Variants in GNPTAB observed in about 807,000 individuals in gnomAD.
GNPTAB encodes the protein N-acetylglucosamine-1-phosphate transferase subunits alpha and beta.
In GNPTAB, 92 loss-of-function variants were observed where a neutral mutation model predicts 136.6. The ratio of observed to expected loss-of-function variants is 0.67; its 90% confidence interval spans 0.57 to 0.80. GNPTAB has a LOEUF of 0.80. Among genes scored for constraint, GNPTAB ranks in the 30% least tolerant of loss-of-function variants. GNPTAB has a pLI of 0.00. For synonymous variants in GNPTAB, 512 were observed against 535.1 expected (o/e 0.96, Z 0.60); for missense variants, 1,343 against 1,501.8 (o/e 0.89, Z 1.75).
intron 2 of GNPTAB, among the ~76,000 whole-genome samples, chr12:101,790,354 AAGTAG>A (rs1868916350): frequency 6.6e-6 from 1 of 152,242 alleles, no homozygotes; most frequent in African/African-American, 2.4e-5. Flanking sequence ...TTCGTGGGTG[AAGTAG>A]AGTAGTCTTG....
Position 101,764,300 on chromosome 12 carries a change from T to C in GNPTAB, c.2617A>G (p.Thr873Ala). Residue 873 changes from threonine to alanine, a missense_variant, in exon 13 of 21, where the codon ACT (threonine) becomes GCT (alanine). Transcript: ENST00000299314. Reference sequence around the variant, plus strand: ...AGCTTTCTTCCAAGTAACACTTCAGTAACGCCTATGTGATTTTCAGCATTT... The same window carrying C: ...AGCTTTCTTCCAAGTAACACTTCAGCAACGCCTATGTGATTTTCAGCATTT... ...EENAENHIGV[T>A]EVLLGRKLQH... 1 of 1,614,044 alleles carries C rather than the reference T, an allele frequency of 6.2e-7. No homozygotes were observed. Among genetic ancestry groups the C allele is most frequent in the South Asian group, 1.1e-5 (1 of 91,064 alleles).
chr12:101,788,820 A>C (rs191548320), intron 3 of GNPTAB, among the ~76,000 whole-genome samples: 4 of 152,258 alleles, frequency 2.6e-5, no homozygotes, highest in African/African-American at 7.2e-5. Context: ...CACTCTTGAC[A>C]TTCACAAAGA....
At chr12:101,753,739 T>G (rs1952857552) in intron 18 of GNPTAB, among the ~76,000 whole-genome samples, 200 bp from the exon 19 acceptor site, 1 of 152,204 alleles carries the variant, frequency 6.6e-6, no homozygotes, top group African/African-American at 2.4e-5. Flanking sequence ...AGAACTAGGG[T>G]AGATGGCCTT....
intron 19 of GNPTAB, among the ~76,000 whole-genome samples, chr12:101,752,318 G>C (rs1277216862): frequency 1.3e-5 from 2 of 152,080 alleles, no homozygotes; most frequent in African/African-American, 4.8e-5. Flanking sequence ...CCAGCTACTC[G>C]GGAGGCTGAG....
At chr12:101,813,255 A>G (rs1870333100) in intron 1 of GNPTAB, among the ~76,000 whole-genome samples, 7 of 152,236 alleles carry the variant, frequency 4.6e-5, no homozygotes, top group Admixed American at 4.6e-4. Flanking sequence ...TGAAAACGTA[A>G]AAGCCATTAT....
chr12:101,771,307 G>A (rs969210699), intron 7 of GNPTAB, 150 bp from the exon 8 acceptor site: 5 of 698,162 alleles, frequency 7.2e-6, no homozygotes, highest in South Asian at 3.4e-5. Flanking sequence ...GCAGTGGCAC[G>A]ATCTCTGCTC....
chr12:101,796,044 C>T, intron 2 of GNPTAB: 1 of 496,646 alleles, frequency 2.0e-6, no homozygotes. Flanking sequence ...AAGGGAAAGA[C>T]CCACACTAAT....
intron 1 of GNPTAB, among the ~76,000 whole-genome samples, chr12:101,825,074 C>T (rs1300583254): frequency 2.0e-5 from 3 of 152,290 alleles, no homozygotes; most frequent in African/African-American, 7.2e-5. Flanking sequence ...ATGTTTCAAC[C>T]CACAACATTC....
At chr12:101,817,805 A>G (rs1456115860) in intron 1 of GNPTAB, among the ~76,000 whole-genome samples, 2 of 152,194 alleles carry the variant, frequency 1.3e-5, no homozygotes, top group South Asian at 4.1e-4. Context: ...AAAAATAAAA[A>G]TATCAAAAAA....
At position 101,764,576 on chromosome 12, in the gene GNPTAB, C is replaced by T. The variant is rs183435240; in HGVS notation, c.2341G>A (p.Val781Met). The T allele has an allele frequency of 2.5e-4, 406 of 1,614,130 alleles. 2 individuals are homozygous for T. Among genetic ancestry groups the T allele is most frequent in the Non-Finnish European group, 3.2e-4 (374 of 1,180,010 alleles). Residue 781 changes from valine to methionine, a missense_variant, in exon 13 of 21, where the codon GTG becomes ATG. Transcript: ENST00000299314. Reference protein sequence around the residue: ...HKSILPNSLGVSERLQRLTFP... With the variant: ...HKSILPNSLGMSERLQRLTFP... ...GTCAACCTCTGCAATCTTTCAGACA[C>T]TCCTAAGCTGTTTGGCAAGATGCTT...
chr12:101,748,273 C>G (rs990447909), intron 20 of GNPTAB, among the ~76,000 whole-genome samples: 1 of 152,204 alleles, frequency 6.6e-6, no homozygotes, highest in Non-Finnish European at 1.5e-5. Flanking sequence ...TCCTGAAGCT[C>G]TCAGTACTTA....
chr12:101,777,631 A>C (rs754372554), intron 7 of GNPTAB, among the ~76,000 whole-genome samples: 3 of 152,218 alleles, frequency 2.0e-5, no homozygotes, highest in South Asian at 2.1e-4. Context: ...CCTAAAGCCC[A>C]GATGTTCTCA....
intron 5 of GNPTAB, among the ~76,000 whole-genome samples, chr12:101,781,710 G>A (rs1485946273): frequency 1.3e-5 from 2 of 151,906 alleles, no homozygotes. Flanking sequence ...CAATATAGTT[G>A]GTGAGCACTG....
chr12:101,759,218 C>T (rs1433763802), intron 16 of GNPTAB, among the ~76,000 whole-genome samples: 1 of 151,966 alleles, frequency 6.6e-6, no homozygotes, highest in Non-Finnish European at 1.5e-5. Flanking sequence ...AAAAAATTAG[C>T]CGGGCGTGGT....
chr12:101,818,376 C>CTTT (rs11347749), intron 1 of GNPTAB, among the ~76,000 whole-genome samples: 1 of 132,668 alleles, frequency 7.5e-6, no homozygotes, highest in South Asian at 2.4e-4. Context: ...ATATTTGTGT[C>CTTT]TTTTTTTTTT....
Position 101,764,715 on chromosome 12 carries a change from G to A in GNPTAB, c.2202C>T (p.Ala734=). Residue 734 remains alanine (A), a synonymous_variant, in exon 13 of 21, where the codon GCC becomes GCT. Transcript: ENST00000299314. The part of the protein sequence containing the change: ...TLKGYNLSKS[A]LLRSFLMNSQ... Reference sequence around the variant, plus strand: ...AGTTCATCAGAAATGATCTCAGCAAGGCTGACTTGGACAAATTGTATCCTT... The same window carrying A: ...AGTTCATCAGAAATGATCTCAGCAAAGCTGACTTGGACAAATTGTATCCTT... 2 of 1,613,408 alleles carry A rather than the reference G, an allele frequency of 1.2e-6. No homozygotes were observed. The highest frequency in any genetic ancestry group is 8.5e-7 in the Non-Finnish European group (1 of 1,179,560).
rs533232830 is a variant in GNPTAB at position 101,756,950 on chromosome 12, C to T, written c.3434+262G>A. 4.4e-4 allele frequency: 156 copies of T among 358,154 alleles called. No homozygotes were observed. In the Middle Eastern group the frequency reaches 4.4e-3, roughly 10 times the overall value. The allele number at this position is 358,154 out of a possible 1,614,324, so 22.2% of individuals were successfully genotyped here. A position where few individuals can be genotyped will look rare whatever the true frequency, so the allele number is the denominator to read the frequency against. ...TCCCAGCTGCCTGGCCTCACCTCCC[C>T]ACAATGCGATCTGTCCCTGGGTCTC... On this transcript the variant is annotated intron_variant, in intron 18 of 20. Coordinates refer to ENST00000299314, the MANE Select transcript of GNPTAB (RefSeq NM_024312.5).
rs111593080 is a variant in GNPTAB at position 101,760,292 on chromosome 12, C to CCT, written c.3136-150_3136-149insAG. The stretch of plus-strand genomic sequence containing the variant: ...CTATATGATTCTTAAGATAAAGGCA[C>CCT]TCTAAGAAGAGCAGAATGAGACAAT... On this transcript the variant is annotated intron_variant, in intron 15 of 20. Transcript: ENST00000299314. 0.026 allele frequency: 16,488 copies of CCT among 643,676 alleles called. 723 individuals carry two copies. Among genetic ancestry groups the CCT allele is most frequent in the African/African-American group, 0.14 (7,784 of 54,678 alleles). 39.9% of individuals were successfully genotyped at this position (643,676 alleles called of 1,614,324 possible). A position where few individuals can be genotyped will look rare whatever the true frequency, so the allele number is the denominator to read the frequency against.
chr12:101,776,206 T>C (rs890159065), intron 7 of GNPTAB, among the ~76,000 whole-genome samples: 3 of 152,180 alleles, frequency 2.0e-5, no homozygotes, highest in African/African-American at 7.2e-5. Flanking sequence ...CTCTAAAATA[T>C]GTTTAAAAAA....
Sources: allele counts gnomAD v4.1 joint callset (sites outside exome capture counted in the v4.1 genomes callset), GRCh38; gene constraint gnomAD v4.1.1; transcripts MANE v1.5; gene names NCBI Gene and HGNC (gene_info 2026-07-23, HGNC 2026-07-21).